Variants in LRP11 observed in about 807,000 individuals in gnomAD.
LRP11 encodes low-density lipoprotein receptor-related protein 11.
A neutral mutation model predicts 43.1 loss-of-function variants in LRP11; 25 were observed. The observed-to-expected ratio is 0.58, with a 90% CI of 0.42 to 0.81. LRP11 has a LOEUF of 0.81. LRP11 is among the 30% of genes least tolerant of loss of function. LRP11 has a pLI of 0.00. For synonymous variants in LRP11, 316 were observed against 299.4 expected, an observed-to-expected ratio of 1.06 and a Z score of -0.57; for missense variants, 623 against 665.1, an observed-to-expected ratio of 0.94 and a Z score of 0.70.
rs998165845 is a variant in LRP11, at chr6:149,819,999, C to G, written c.*550G>C. 6.5e-6 allele frequency: 1 copy of G among 152,688 alleles called. No individual in the cohort carries two copies. The highest frequency in any genetic ancestry group is 1.9e-4 in the East Asian group (1 of 5,208). The allele number at this position is 152,688 out of a possible 1,614,324, so 9.5% of individuals were successfully genotyped here. A position where few individuals can be genotyped will look rare whatever the true frequency, so the allele number is the denominator to read the frequency against. ...CCACACTCACCTTCCCTAAGGCTTACTGACTTGTACATAAGGTTTATAATT... is the reference window on the plus strand; with the variant it reads ...CCACACTCACCTTCCCTAAGGCTTAGTGACTTGTACATAAGGTTTATAATT... On this transcript the variant is annotated 3_prime_UTR_variant, in exon 7 of 7. Coordinates refer to ENST00000239367, the MANE Select transcript of LRP11 (RefSeq NM_032832.6).
At position 149,845,653 on chromosome 6, in the gene LRP11, G is replaced by C. The variant is rs182731418; in HGVS notation, c.772-2529C>G. Among the ~76,000 whole-genome samples the C allele has an allele frequency of 1.4e-3, 209 of 152,312 alleles. 1 individual carries two copies. Among genetic ancestry groups the C allele is most frequent in the African/African-American group, 4.8e-3 (198 of 41,572 alleles). ...AGAACTTCCAAAGAGCCTGGAGTGG[G>C]CTGCTGATGCTAGGAATCAGAACCC... On this transcript the variant is annotated intron_variant, in intron 2 of 6. Coordinates refer to ENST00000239367, the MANE Select transcript of LRP11 (RefSeq NM_032832.6).
At position 149,820,198 on chromosome 6, in the gene LRP11, G is replaced by A. The variant is rs1776258507; in HGVS notation, c.*351C>T. 5.8e-6 allele frequency: 1 copy of A among 173,856 alleles called. No individual in the cohort carries two copies. The highest frequency in any genetic ancestry group is 1.3e-4 in the South Asian group (1 of 7,728). 10.8% of individuals were successfully genotyped at this position (173,856 alleles called of 1,614,324 possible). Reference sequence around the variant, plus strand: ...CTATAGCAGTCCAGCATGGTAAGGGGCCAACAGTTGGCTTCTAAAAGGTAA... The same window carrying A: ...CTATAGCAGTCCAGCATGGTAAGGGACCAACAGTTGGCTTCTAAAAGGTAA... On this transcript the variant is annotated 3_prime_UTR_variant, in exon 7 of 7. Transcript: ENST00000239367.
chr6:149,864,324 CT>C lies in LRP11; in HGVS notation c.-305del. 1 of 1,021,580 alleles carries C rather than the reference CT, an allele frequency of 9.8e-7. No homozygotes were observed. Among genetic ancestry groups the C allele is most frequent in the Non-Finnish European group, 1.2e-6 (1 of 854,248 alleles). The allele number at this position is 1,021,580 out of a possible 1,614,324, so 63.3% of individuals were successfully genotyped here. A position where few individuals can be genotyped will look rare whatever the true frequency, so the allele number is the denominator to read the frequency against. ...GCGCGCTGGGTGGCGACGAGTCGGCCTCGGCGTTGATCAGCACCAGGTGTGT... is the reference window on the plus strand; with the variant it reads ...GCGCGCTGGGTGGCGACGAGTCGGCCCGGCGTTGATCAGCACCAGGTGTGT... On this transcript the variant is annotated 5_prime_UTR_variant, in exon 1 of 7. Transcript: ENST00000239367.
chr6:149,833,233 G>A (rs997125852), intron 5 of LRP11, among the ~76,000 whole-genome samples: 13 of 152,110 alleles, frequency 8.5e-5, no homozygotes, highest in Non-Finnish European at 1.5e-4. Flanking sequence ...CACCGTGCCC[G>A]GCCAATAATG....
chr6:149,843,246 C>T (rs771194925), intron 2 of LRP11, 122 bp from the exon 3 acceptor site: 22 of 1,020,440 alleles, frequency 2.2e-5, no homozygotes, highest in African/African-American at 6.4e-5. Flanking sequence ...CACTCCGGCC[C>T]GAGGCTGCTG....
chr6:149,855,710 TTTAAA>T (rs1452962723), intron 1 of LRP11, among the ~76,000 whole-genome samples: 12 of 139,750 alleles, frequency 8.6e-5, no homozygotes, highest in Admixed American at 3.3e-4. Context: ...TTTTTTTTTT[TTTAAA>T]AAAAAAACAC....
intron 3 of LRP11, among the ~76,000 whole-genome samples, chr6:149,841,169 C>T (rs1776540843): frequency 6.6e-6 from 1 of 152,166 alleles, no homozygotes; most frequent in African/African-American, 2.4e-5. Context: ...ATCTCTAACT[C>T]CTTAGAAAAT....
chr6:149,830,257 C>T (rs192033544), intron 5 of LRP11, among the ~76,000 whole-genome samples: 4 of 152,132 alleles, frequency 2.6e-5, no homozygotes, highest in East Asian at 3.9e-4. Context: ...GTGATCCACC[C>T]GCCGTGGCCT....
In LRP11 at chr6:149,826,595, A is replaced by G. The variant is rs572544353; in HGVS notation, c.1253-236T>C. Among the ~76,000 whole-genome samples, 232 of 103,746 alleles carry G rather than the reference A, an allele frequency of 2.2e-3. 3 individuals are homozygous for G. Among genetic ancestry groups the G allele is most frequent in the Admixed American group, 0.022 (202 of 9,368 alleles). The allele number at this position is 103,746 out of a possible 152,430, so 68.1% of individuals were successfully genotyped here. A position where few individuals can be genotyped will look rare whatever the true frequency, so the allele number is the denominator to read the frequency against. ...CACCGACAGAGAGAGCGGAAGACAC[A>G]CCCTGCACCGAACTACCACCACGCC... On this transcript the variant is annotated intron_variant, in intron 5 of 6. Coordinates refer to ENST00000239367, the MANE Select transcript of LRP11 (RefSeq NM_032832.6).
chr6:149,845,334 G>A (rs906574341), intron 2 of LRP11, among the ~76,000 whole-genome samples: 1 of 152,212 alleles, frequency 6.6e-6, no homozygotes. Flanking sequence ...ACGAATCCCC[G>A]TGAAGTGATT....
intron 1 of LRP11, among the ~76,000 whole-genome samples, chr6:149,859,917 AT>A (rs111614869): frequency 6.6e-6 from 1 of 152,154 alleles, no homozygotes; most frequent in African/African-American, 2.4e-5. Context: ...TTTAAAAAAA[AT>A]TTAATTCTTT....
At chr6:149,859,392 A>ATTTTTTTTTTTTTTTTTTTT (rs1379449979) in intron 1 of LRP11, among the ~76,000 whole-genome samples, 1 of 76,836 alleles carries the variant, frequency 1.3e-5, no homozygotes, top group African/African-American at 9.5e-5. Context: ...ATATATATAT[A>ATTTTTTTTTTTTTTTTTTTT]TATATTTTTT....
intron 1 of LRP11, among the ~76,000 whole-genome samples, chr6:149,858,646 T>C (rs910788889): frequency 6.6e-6 from 1 of 152,208 alleles, no homozygotes; most frequent in African/African-American, 2.4e-5. Context: ...CCAGTTACAA[T>C]AAATATAATT....
chr6:149,831,810 A>G (rs1466421669), intron 5 of LRP11, among the ~76,000 whole-genome samples: 2 of 152,322 alleles, frequency 1.3e-5, no homozygotes, highest in East Asian at 3.9e-4. Context: ...CTGGGATTAC[A>G]GGTGAATACC....
intron 1 of LRP11, among the ~76,000 whole-genome samples, chr6:149,856,887 G>C (rs1052606425): frequency 6.6e-6 from 1 of 152,122 alleles, no homozygotes; most frequent in Non-Finnish European, 1.5e-5. Context: ...GTACGGAAGC[G>C]GGGCGAGACT....
At position 149,864,257 on chromosome 6, in the gene LRP11, G is replaced by A. The variant is rs1777002463; in HGVS notation, c.-237C>T. The A allele has an allele frequency of 9.3e-7, 1 of 1,077,950 alleles. No individual in the cohort carries two copies. The highest frequency in any genetic ancestry group is 4.5e-5 in the South Asian group (1 of 22,152). The allele number at this position is 1,077,950 out of a possible 1,614,324, so 66.8% of individuals were successfully genotyped here. ...CCGGGCACCGCTCCTTGCCCTCGCCGGAGACTGCCCAGCGCCCTGCGCCTC... is the reference window on the plus strand; with the variant it reads ...CCGGGCACCGCTCCTTGCCCTCGCCAGAGACTGCCCAGCGCCCTGCGCCTC... On this transcript the variant is annotated 5_prime_UTR_variant, in exon 1 of 7. Transcript: ENST00000239367.
chr6:149,824,595 A>C (rs928978223), intron 6 of LRP11, among the ~76,000 whole-genome samples: 19 of 152,190 alleles, frequency 1.2e-4, no homozygotes, highest in Non-Finnish European at 2.6e-4. Context: ...ACAGTGGTTC[A>C]CACCTGTAAT....
chr6:149,824,019 C>CA (rs2115371014), intron 6 of LRP11, among the ~76,000 whole-genome samples: 1 of 152,240 alleles, frequency 6.6e-6, no homozygotes, highest in South Asian at 2.1e-4. Context: ...CCCAAGGTGT[C>CA]ATTCTCCCTC....
In LRP11 at chr6:149,822,146, G is replaced by A. The variant is rs1425579140; in HGVS notation, c.1349-1443C>T. Among the ~76,000 whole-genome samples, 5 of 152,048 alleles carry A rather than the reference G, an allele frequency of 3.3e-5. No homozygotes were observed. The East Asian group carries it at 9.7e-4, about 29-fold the overall frequency. On this transcript the variant is annotated intron_variant, in intron 6 of 6. Coordinates refer to ENST00000239367, the MANE Select transcript of LRP11 (RefSeq NM_032832.6). Reference sequence around the variant, plus strand: ...GCAAATTGCTTGATCCCAGGAGTTCGAGACCAGCCTGGGCAACATGGCGAG... The same window carrying A: ...GCAAATTGCTTGATCCCAGGAGTTCAAGACCAGCCTGGGCAACATGGCGAG...
Sources: allele counts gnomAD v4.1 joint callset (sites outside exome capture counted in the v4.1 genomes callset), GRCh38; gene constraint gnomAD v4.1.1; transcripts MANE v1.5; gene names NCBI Gene and HGNC (gene_info 2026-07-23, HGNC 2026-07-21).